Variants in TRAPPC8 observed in about 807,000 individuals in gnomAD.
The protein encoded by TRAPPC8 is trafficking protein particle complex subunit 8.
Under a neutral mutation model 174.3 loss-of-function variants are expected in TRAPPC8, and 54 were observed. The observed-to-expected ratio is 0.31, with a 90% CI of 0.25 to 0.39. The LOEUF (loss-of-function observed/expected upper bound fraction) is 0.39. Among genes scored for constraint, TRAPPC8 ranks in the 10% least tolerant of loss-of-function variants. The probability of loss-of-function intolerance (pLI) is 1.00; values close to 1 mark genes in which losing one functional copy is unlikely to be tolerated. For missense variants in TRAPPC8, 1,531 were observed against 1,699.1 expected, an observed-to-expected ratio of 0.90 and a Z score of 1.74; for synonymous variants, 630 against 579.9, an observed-to-expected ratio of 1.09 and a Z score of -1.24.
At chr18:31,832,036 A>G (rs1225400458) in intron 28 of TRAPPC8, 48 bp downstream of exon 28, 4 of 1,268,198 alleles carry the variant, frequency 3.2e-6, no homozygotes, top group Non-Finnish European at 4.4e-6. Flanking sequence ...ATTTCAAAAT[A>G]TTAAATTGCT....
At chr18:31,870,873 C>T (rs1568068318) in intron 15 of TRAPPC8, 53 bp downstream of exon 15, 1 of 1,377,986 alleles carries the variant, frequency 7.3e-7, no homozygotes, top group Non-Finnish European at 9.7e-7. Context: ...TTATCTTCAT[C>T]ATGCTGTAAG....
rs762109460 is a variant in TRAPPC8, at chr18:31,874,636, T to C, written c.1797A>G (p.Ala599=). 1.2e-6 allele frequency: 2 copies of C among 1,614,162 alleles called. No individual in the cohort carries two copies. The highest frequency in any genetic ancestry group is 8.5e-7 in the Non-Finnish European group (1 of 1,180,010). Residue 599 remains alanine, a synonymous_variant, in exon 13 of 29, where the codon GCA becomes GCG. Coordinates refer to ENST00000283351, the MANE Select transcript of TRAPPC8 (RefSeq NM_014939.5). ...CAATAGTGAAATTAATGTGATCCTC[T>C]GCAAGAGACCAGCCTTTTCCTTTGT... is the stretch of plus-strand genomic sequence containing the variant. The part of the protein sequence containing the change: ...QVYKGKGWSL[A]EDHINFTIGR...
chr18:31,832,266 A>G (rs2032418301), intron 27 of TRAPPC8, 93 bp from the exon 28 acceptor site: 4 of 526,458 alleles, frequency 7.6e-6, no homozygotes, highest in African/African-American at 2.0e-5. Flanking sequence ...GTAACAGAGC[A>G]TAAGCTCCTT....
chr18:31,877,340 C>T (rs917195931), intron 12 of TRAPPC8, among the ~76,000 whole-genome samples: 6 of 152,088 alleles, frequency 3.9e-5, no homozygotes, highest in African/African-American at 9.7e-5. Flanking sequence ...TGGCCGGGCG[C>T]GGTGGCTCAC....
chr18:31,926,955 C>T (rs548863030), intron 2 of TRAPPC8, among the ~76,000 whole-genome samples: 16 of 152,160 alleles, frequency 1.1e-4, no homozygotes, highest in South Asian at 4.1e-4. Flanking sequence ...AAACTTATTA[C>T]GCCATAGACA....
rs1212935015 is a variant in TRAPPC8, at chr18:31,903,117, CGTGCGT to C, written c.1390-2098_1390-2093del. 3.4e-4 allele frequency among the ~76,000 whole-genome samples: 31 copies of C among 90,276 alleles called. 1 individual carries two copies. The East Asian group carries it at 0.014, about 42-fold the overall frequency. 59.2% of individuals were successfully genotyped at this position (90,276 alleles called of 152,430 possible). On this transcript the variant is annotated intron_variant, in intron 9 of 28. Transcript: ENST00000283351. ...TGCTTTTTGATTGCGCGCGTGCGTG[CGTGCGT>C]GTGTGTGTGTGTGTGTGTGTTTTCC...
chr18:31,874,146 C>T (rs975008745), intron 13 of TRAPPC8: 3 of 336,812 alleles, frequency 8.9e-6, no homozygotes, highest in Non-Finnish European at 1.1e-5. Flanking sequence ...GTAAAGAGAA[C>T]CCACTTAAAA....
intron 12 of TRAPPC8, among the ~76,000 whole-genome samples, chr18:31,889,809 G>A (rs781132459): frequency 1.6e-4 from 25 of 151,982 alleles, no homozygotes; most frequent in Non-Finnish European, 3.2e-4. Context: ...TTGAAATGTT[G>A]GTTTTAAAAA....
chr18:31,906,493 T>C (rs773358785), intron 9 of TRAPPC8, among the ~76,000 whole-genome samples: 3 of 152,150 alleles, frequency 2.0e-5, no homozygotes, highest in Non-Finnish European at 4.4e-5. Context: ...CTGTGAATAT[T>C]TTCTAGCTAA....
At chr18:31,865,180 C>T (rs1311596138) in intron 18 of TRAPPC8, among the ~76,000 whole-genome samples, 1 of 151,988 alleles carries the variant, frequency 6.6e-6, no homozygotes, top group Non-Finnish European at 1.5e-5. Context: ...AAAAGGTCAA[C>T]TTTTTACTTT....
chr18:31,938,353 A>G (rs1057234833), intron 1 of TRAPPC8, among the ~76,000 whole-genome samples: 3 of 151,434 alleles, frequency 2.0e-5, no homozygotes, highest in Non-Finnish European at 4.4e-5. Flanking sequence ...TAATAAATTT[A>G]ATTATATATT....
At chr18:31,877,422 C>T (rs1320769731) in intron 12 of TRAPPC8, among the ~76,000 whole-genome samples, 2 of 151,554 alleles carry the variant, frequency 1.3e-5, no homozygotes, top group African/African-American at 4.9e-5. Flanking sequence ...ACCATCCTGG[C>T]TAACACGGTG....
chr18:31,874,019 CCTT>C (rs1465275797), intron 13 of TRAPPC8: 5 of 182,716 alleles, frequency 2.7e-5, no homozygotes, highest in Non-Finnish European at 5.7e-5. Context: ...GTGAAACAGT[CCTT>C]CTTCCTGTTA....
intron 12 of TRAPPC8, among the ~76,000 whole-genome samples, chr18:31,890,329 T>C (rs975625394): frequency 1.3e-5 from 2 of 152,156 alleles, no homozygotes; most frequent in Non-Finnish European, 2.9e-5. Flanking sequence ...AATAGCATTA[T>C]AAAGCACTCT....
At chr18:31,859,123 C>T (rs1286260279) in intron 19 of TRAPPC8, among the ~76,000 whole-genome samples, 2 of 151,754 alleles carry the variant, frequency 1.3e-5, no homozygotes, top group African/African-American at 4.8e-5. Context: ...AACAAAAAAA[C>T]AGATATTTAA....
chr18:31,857,066 GTAA>G (rs2034060183), intron 20 of TRAPPC8, among the ~76,000 whole-genome samples: 1 of 152,084 alleles, frequency 6.6e-6, no homozygotes, highest in African/African-American at 2.4e-5. Flanking sequence ...ATCATCTATT[GTAA>G]CACCATTATA....
At chr18:31,933,389 C>G (rs1278258308) in intron 1 of TRAPPC8, among the ~76,000 whole-genome samples, 2 of 151,822 alleles carry the variant, frequency 1.3e-5, no homozygotes, top group Non-Finnish European at 2.9e-5. Flanking sequence ...CAACCCATTA[C>G]TTATCAACTG....
chr18:31,934,617 C>G (rs1373695655), intron 1 of TRAPPC8, among the ~76,000 whole-genome samples: 1 of 152,150 alleles, frequency 6.6e-6, no homozygotes, highest in African/African-American at 2.4e-5. Context: ...CCTGTAATCC[C>G]AGCACTTTGG....
intron 1 of TRAPPC8, 129 bp downstream of exon 1, chr18:31,942,479 C>A: frequency 8.0e-7 from 1 of 1,251,596 alleles, no homozygotes; most frequent in Non-Finnish European, 1.0e-6. Context: ...CGCGGGGCCA[C>A]AGCCCCAGAC....
Sources: gnomAD v4.1 joint callset for allele counts (sites outside exome capture counted in the v4.1 genomes callset) on GRCh38, gnomAD v4.1.1 for gene constraint, MANE v1.5 for transcripts, NCBI Gene and HGNC (gene_info 2026-07-23, HGNC 2026-07-21) for gene names.